The following LPIN2 variants were observed in gnomAD, a reference collection of about 807,000 sequenced individuals.
LPIN2 encodes phosphatidate phosphatase LPIN2.
A neutral mutation model predicts 111.4 loss-of-function variants in LPIN2; 55 were observed. That is an observed-to-expected ratio of 0.49 (90% CI 0.40 to 0.62). LPIN2 has a LOEUF of 0.62. Ranked by LOEUF, LPIN2 falls within the 20% of genes least tolerant of loss-of-function variation. The probability of loss-of-function intolerance (pLI) is 0.00; values close to 1 mark genes in which losing one functional copy is unlikely to be tolerated. For missense variants in LPIN2, 992 were observed against 1,112.1 expected (o/e 0.89, Z 1.54); for synonymous variants, 425 against 414.0 (o/e 1.03, Z -0.32).
In LPIN2 at chr18:2,925,943, C is replaced by T. The variant is rs941410211; in HGVS notation, c.1794-575G>A. On this transcript the variant is annotated intron_variant, in intron 13 of 19. Transcript: ENST00000677752. The surrounding 1 kb of genome is among the most constrained non-coding windows in gnomAD (Gnocchi z 4.1). ...ACTGCTTGAGCCCAGGAGTTTGAGA[C>T]CAGCCTGGGCAACACAGCAAGACCC... Among the ~76,000 whole-genome samples the T allele has an allele frequency of 6.6e-6, 1 of 152,084 alleles. No individual in the cohort carries two copies. The highest frequency in any genetic ancestry group is 1.5e-5 in the Non-Finnish European group (1 of 68,004).
intron 1 of LPIN2, among the ~76,000 whole-genome samples, chr18:2,974,925 T>C (rs1335027614): frequency 6.6e-6 from 1 of 152,078 alleles, no homozygotes; most frequent in Non-Finnish European, 1.5e-5. Flanking sequence ...TGAGCCAGGG[T>C]AGTGAAGGCT....
chr18:3,000,847 T>C (rs1371799043), intron 1 of LPIN2, among the ~76,000 whole-genome samples: 3 of 151,078 alleles, frequency 2.0e-5, no homozygotes, highest in Non-Finnish European at 1.5e-5. Context: ...GTCCAAAAAC[T>C]GAGATGGCAA....
intron 2 of LPIN2, among the ~76,000 whole-genome samples, chr18:2,958,165 A>AAAAAAAAAAAAAAAAG: frequency 6.9e-6 from 1 of 145,616 alleles, no homozygotes; most frequent in Admixed American, 6.9e-5. Flanking sequence ...AAACAACAAA[A>AAAAAAAAAAAAAAAAG]AAAAAAAACA....
At chr18:3,009,279 G>C (rs192893878) in intron 1 of LPIN2, among the ~76,000 whole-genome samples, 1,614 of 151,596 alleles carry the variant, frequency 0.011, 8 homozygotes, top group Non-Finnish European at 0.015. Context: ...CGTGCCTGTA[G>C]TCCCAGCTAC....
At chr18:2,969,625 G>GCAA (rs1348731281) in intron 1 of LPIN2, among the ~76,000 whole-genome samples, 1 of 152,068 alleles carries the variant, frequency 6.6e-6, no homozygotes, top group Non-Finnish European at 1.5e-5. Context: ...AGTGGTCCTT[G>GCAA]GACTGCCTGC....
intron 1 of LPIN2, among the ~76,000 whole-genome samples, chr18:3,008,602 C>T (rs57709572): frequency 0.045 from 6,813 of 152,180 alleles, 494 homozygotes; most frequent in African/African-American, 0.15. Flanking sequence ...TTAAAGTTTC[C>T]GAAGGATGCT....
intron 2 of LPIN2, among the ~76,000 whole-genome samples, chr18:2,960,030 C>T (rs1363743837): frequency 6.6e-6 from 1 of 151,920 alleles, no homozygotes; most frequent in Admixed American, 6.6e-5. Context: ...ATTAGGGGGG[C>T]ATGGTTGCAC....
chr18:2,978,467 AC>A (rs1355212481), intron 1 of LPIN2, among the ~76,000 whole-genome samples: 1 of 152,172 alleles, frequency 6.6e-6, no homozygotes, highest in Non-Finnish European at 1.5e-5. Flanking sequence ...ACAACATCAG[AC>A]AAACCGAAGT....
At chr18:2,946,184 TC>T in intron 4 of LPIN2, 1 of 1,610,084 alleles carries the variant, frequency 6.2e-7, no homozygotes, top group East Asian at 2.2e-5. Context: ...TATTTTTAAT[TC>T]CAAATTTGTC....
At position 2,937,544 on chromosome 18, in the gene LPIN2, TAAAAAAAAAAAAAAA is replaced by T. The variant is rs71366618; in HGVS notation, c.1168+133_1168+147del. 30 of 345,870 alleles carry T rather than the reference TAAAAAAAAAAAAAAA, an allele frequency of 8.7e-5. No homozygotes were observed. The Middle Eastern group carries it at 2.9e-3, about 34-fold the overall frequency. The allele number at this position is 345,870 out of a possible 1,614,324, so 21.4% of individuals were successfully genotyped here. ...TGGGTAACAAGAGCGAAACTCCAGC[TAAAAAAAAAAAAAAA>T]AAAAAAAAAAAAGTGCGACGGGTTT... On this transcript the variant is annotated intron_variant, in intron 7 of 19. Transcript: ENST00000677752.
intron 12 of LPIN2, 133 bp from the exon 13 acceptor site, chr18:2,926,938 CTT>C: frequency 1.4e-6 from 1 of 739,002 alleles, no homozygotes; most frequent in Non-Finnish European, 2.4e-6. Flanking sequence ...AAAAACCAGA[CTT>C]TCTCTATTCT....
chr18:2,983,725 T>C (rs1209913186), intron 1 of LPIN2, among the ~76,000 whole-genome samples: 1 of 152,150 alleles, frequency 6.6e-6, no homozygotes, highest in Non-Finnish European at 1.5e-5. Context: ...ATTTCTAATA[T>C]ATACTACATG....
intron 4 of LPIN2, chr18:2,946,162 T>G: frequency 6.2e-7 from 1 of 1,610,356 alleles, no homozygotes; most frequent in Non-Finnish European, 8.5e-7. Context: ...GTGCTTGTTT[T>G]AGGGAGGCAG....
intron 1 of LPIN2, among the ~76,000 whole-genome samples, chr18:2,991,836 C>T (rs1431629232): frequency 6.6e-6 from 1 of 151,914 alleles, no homozygotes. Flanking sequence ...ATGGCGAAAC[C>T]CCATCTCTAC....
intron 2 of LPIN2, among the ~76,000 whole-genome samples, chr18:2,958,163 A>AAAAAC (rs2077648186): frequency 7.0e-6 from 1 of 142,664 alleles, no homozygotes; most frequent in Non-Finnish European, 1.6e-5. Flanking sequence ...AAAAACAACA[A>AAAAAC]AAAAAAAAAA....
At chr18:2,989,559 A>G (rs1005402224) in intron 1 of LPIN2, among the ~76,000 whole-genome samples, 3 of 152,200 alleles carry the variant, frequency 2.0e-5, no homozygotes, top group African/African-American at 7.2e-5. Flanking sequence ...GGCCCTGACT[A>G]GCCAAAATAA....
At chr18:2,957,314 C>G (rs566463239) in intron 2 of LPIN2, among the ~76,000 whole-genome samples, 3 of 152,166 alleles carry the variant, frequency 2.0e-5, no homozygotes, top group African/African-American at 7.2e-5. Context: ...GCTCAAAAAT[C>G]TGAAACTTCT....
intron 8 of LPIN2, among the ~76,000 whole-genome samples, chr18:2,933,194 ATAGT>A (rs747014949): frequency 1.3e-5 from 2 of 152,256 alleles, no homozygotes; most frequent in African/African-American, 4.8e-5. Context: ...GTTTCAAGAA[ATAGT>A]TAATGAGGTA....
Position 2,950,765 on chromosome 18 carries a change from G to A in LPIN2, c.590+290C>T, listed in dbSNP as rs75289672. On this transcript the variant is annotated intron_variant, in intron 4 of 19. Coordinates refer to ENST00000677752, the MANE Select transcript of LPIN2 (RefSeq NM_001375808.2). Reference sequence around the variant, plus strand: ...TGTCCAACTGGATCTGCTCACCGAGGGGCAAATCACTAATTCAGATCTTTT... The same window carrying A: ...TGTCCAACTGGATCTGCTCACCGAGAGGCAAATCACTAATTCAGATCTTTT... 1.2e-3 allele frequency: 554 copies of A among 449,228 alleles called. 1 individual carries two copies. Among genetic ancestry groups the A allele is most frequent in the African/African-American group, 9.0e-3 (453 of 50,540 alleles). 27.8% of individuals were successfully genotyped at this position (449,228 alleles called of 1,614,324 possible).
Sources: gnomAD v4.1 joint callset for allele counts (sites outside exome capture counted in the v4.1 genomes callset) on GRCh38, gnomAD v4.1.1 for gene constraint, Gnocchi (gnomAD v3.1) non-coding constraint, MANE v1.5 for transcripts, NCBI Gene and HGNC (gene_info 2026-07-23, HGNC 2026-07-21) for gene names.